KCNQ5: variants seen among roughly 807,000 people sequenced by gnomAD.
KCNQ5 encodes potassium voltage-gated channel subfamily KQT member 5.
Under a neutral mutation model 98.2 loss-of-function variants are expected in KCNQ5, and 30 were observed. The observed-to-expected ratio is 0.31, with a 90% CI of 0.23 to 0.41. The LOEUF (loss-of-function observed/expected upper bound fraction) is 0.41. Among genes scored for constraint, KCNQ5 ranks in the 10% least tolerant of loss-of-function variants. The pLI is 1.00. For synonymous variants in KCNQ5, 458 were observed against 449.4 expected (o/e 1.02, Z -0.24); for missense variants, 835 against 1,182.5 (o/e 0.71, Z 4.31).
At position 73,014,972 on chromosome 6, in the gene KCNQ5, T is replaced by A. The variant is rs1322983948; in HGVS notation, c.489+10974T>A. 3.3e-5 allele frequency among the ~76,000 whole-genome samples: 5 copies of A among 152,168 alleles called. No homozygotes were observed. In the East Asian group the frequency reaches 9.6e-4, roughly 29 times the overall value. On this transcript the variant is annotated intron_variant, in intron 2 of 13. Coordinates refer to ENST00000370398, the MANE Select transcript of KCNQ5 (RefSeq NM_019842.4). The stretch of plus-strand genomic sequence containing the variant: ...CTTGCAAAGTAGAAAGGTTTGCACA[T>A]GAAATTGTAAGGGTTTGATACAGAA...
At chr6:73,007,847 C>A (rs1769882765) in intron 2 of KCNQ5, among the ~76,000 whole-genome samples, 1 of 152,174 alleles carries the variant, frequency 6.6e-6, no homozygotes. Flanking sequence ...CCCTCCCCTA[C>A]CAGCAAAAGT....
intron 1 of KCNQ5, among the ~76,000 whole-genome samples, chr6:72,848,480 AT>A (rs2150139846): frequency 6.6e-6 from 1 of 152,300 alleles, no homozygotes; most frequent in South Asian, 2.1e-4. Flanking sequence ...TTAATAACAA[AT>A]ATATTTAGTT....
intron 10 of KCNQ5, among the ~76,000 whole-genome samples, chr6:73,169,542 A>G (rs1028371391): frequency 8.5e-5 from 13 of 152,258 alleles, no homozygotes; most frequent in Admixed American, 2.0e-4. Context: ...AAAACAGTTC[A>G]GAAAAGTATT....
intron 1 of KCNQ5, among the ~76,000 whole-genome samples, chr6:72,852,518 C>T (rs1562024751): frequency 6.7e-6 from 1 of 149,526 alleles, no homozygotes; most frequent in African/African-American, 2.5e-5. Flanking sequence ...CACAGAAAGA[C>T]AAATATCACA....
chr6:73,125,413 A>G (rs1775937124), intron 9 of KCNQ5: 1 of 518,286 alleles, frequency 1.9e-6, no homozygotes, highest in Non-Finnish European at 3.9e-6. Context: ...CAGAGGCAGA[A>G]CCAGCAAGGA....
At chr6:73,097,157 A>ATATATATATATATATATG (rs1194440788) in intron 5 of KCNQ5, among the ~76,000 whole-genome samples, 1 of 147,692 alleles carries the variant, frequency 6.8e-6, no homozygotes, top group African/African-American at 2.4e-5. Context: ...ATATATATAT[A>ATATATATATATATATATG]TACACACACA....
intron 1 of KCNQ5, among the ~76,000 whole-genome samples, chr6:72,715,021 A>G (rs1198548116): frequency 6.6e-6 from 1 of 152,200 alleles, no homozygotes; most frequent in African/African-American, 2.4e-5. Flanking sequence ...CAAGAATTCT[A>G]AAATTATACA....
chr6:72,746,974 T>C (rs536028456), intron 1 of KCNQ5, among the ~76,000 whole-genome samples: 4 of 152,284 alleles, frequency 2.6e-5, no homozygotes, highest in African/African-American at 9.6e-5. Context: ...ACTCTAAGTC[T>C]TGCCTAGAAT....
intron 1 of KCNQ5, among the ~76,000 whole-genome samples, chr6:72,706,996 G>C (rs1350431142): frequency 6.6e-6 from 1 of 151,970 alleles, no homozygotes; most frequent in Non-Finnish European, 1.5e-5. Context: ...ACTGTTTCTT[G>C]GTTTTTATAT....
At chr6:73,064,046 T>C (rs571486798) in intron 3 of KCNQ5, among the ~76,000 whole-genome samples, 2 of 152,262 alleles carry the variant, frequency 1.3e-5, no homozygotes, top group South Asian at 4.1e-4. Flanking sequence ...AGATAATACT[T>C]AGAATGAATT....
At chr6:72,986,978 GA>G in intron 1 of KCNQ5, 1 of 803,094 alleles carries the variant, frequency 1.2e-6, no homozygotes, top group Non-Finnish European at 2.1e-6. Context: ...AGCACAGTGG[GA>G]AGGTGAAGAA....
At chr6:73,113,735 T>A (rs1377831939) in intron 7 of KCNQ5, among the ~76,000 whole-genome samples, 2 of 152,278 alleles carry the variant, frequency 1.3e-5, no homozygotes, top group Non-Finnish European at 2.9e-5. Flanking sequence ...TTTATATGTC[T>A]ACAGTCAAAA....
At chr6:73,112,353 T>G (rs562868554) in intron 7 of KCNQ5, among the ~76,000 whole-genome samples, 2 of 151,498 alleles carry the variant, frequency 1.3e-5, no homozygotes, top group African/African-American at 4.8e-5. Context: ...TTGTTTTGTT[T>G]TTTTTTTTTT....
chr6:72,854,686 G>T (rs1028492387), intron 1 of KCNQ5, among the ~76,000 whole-genome samples: 2 of 147,322 alleles, frequency 1.4e-5, no homozygotes, highest in Non-Finnish European at 3.0e-5. Flanking sequence ...TAAATGACTT[G>T]TTAAGGAGTT....
intron 1 of KCNQ5, among the ~76,000 whole-genome samples, chr6:72,723,648 T>G (rs1240632492): frequency 6.6e-6 from 1 of 152,140 alleles, no homozygotes; most frequent in East Asian, 1.9e-4. Flanking sequence ...TTTCTTTTCC[T>G]TTTTCCTTCC....
intron 3 of KCNQ5, among the ~76,000 whole-genome samples, chr6:73,047,781 T>C (rs1374797108): frequency 6.6e-6 from 1 of 152,210 alleles, no homozygotes; most frequent in Non-Finnish European, 1.5e-5. Context: ...ACACGGTCCC[T>C]GCCTGTAAGA....
At chr6:72,663,227 A>G (rs148904294) in intron 1 of KCNQ5, among the ~76,000 whole-genome samples, 208 of 152,326 alleles carry the variant, frequency 1.4e-3, no homozygotes, top group African/African-American at 4.8e-3. Context: ...GTGTATACCT[A>G]TGTAACAAAC....
chr6:72,773,857 G>C (rs1284463353), intron 1 of KCNQ5, among the ~76,000 whole-genome samples: 1 of 152,014 alleles, frequency 6.6e-6, no homozygotes, highest in African/African-American at 2.4e-5. Context: ...CAAAATATAA[G>C]ACCTATTATA....
chr6:72,895,664 A>C (rs1191408680), intron 1 of KCNQ5, among the ~76,000 whole-genome samples: 1 of 149,404 alleles, frequency 6.7e-6, no homozygotes, highest in East Asian at 1.9e-4. Context: ...CATATATATT[A>C]TTTAGAGTCA....
Sources: gnomAD v4.1 joint callset for allele counts (sites outside exome capture counted in the v4.1 genomes callset) on GRCh38, gnomAD v4.1.1 for gene constraint, MANE v1.5 for transcripts, NCBI Gene and HGNC (gene_info 2026-07-23, HGNC 2026-07-21) for gene names.